GNAZ: variants seen among roughly 807,000 people sequenced by gnomAD.
GNAZ encodes G protein subunit alpha z, also known as guanine nucleotide-binding protein G(z) subunit alpha.
A neutral mutation model predicts 25.4 loss-of-function variants in GNAZ; 3 were observed. The ratio of observed to expected loss-of-function variants is 0.12; its 90% CI spans 0.05 to 0.30. The LOEUF (loss-of-function observed/expected upper bound fraction) is 0.30, where lower values mean the gene tolerates loss of function less well. Ranked by LOEUF, GNAZ falls within the 10% of genes least tolerant of loss-of-function variation. The pLI is 1.00. For synonymous variants in GNAZ, 211 were observed against 205.7 expected (o/e 1.03, Z -0.22); for missense variants, 241 against 501.8 (o/e 0.48, Z 4.97).
intron 1 of GNAZ, among the ~76,000 whole-genome samples, chr22:23,075,007 A>T (rs376051229): frequency 2.4e-3 from 368 of 152,338 alleles, no homozygotes; most frequent in Non-Finnish European, 4.0e-3. Context: ...TCTCTACAAA[A>T]GTAAAACTAA....
In GNAZ at chr22:23,123,758, T is replaced by C; in HGVS notation, c.*327T>C. ...GCCCCTTCACTTTGCCTTCCTGAGT[T>C]GGCCCCACTCCACTTGGGGGTCTGC... On this transcript the variant is annotated 3_prime_UTR_variant, in exon 3 of 3. Coordinates refer to ENST00000615612, the MANE Select transcript of GNAZ (RefSeq NM_002073.4). 1 of 328,784 alleles carries C rather than the reference T, an allele frequency of 3.0e-6. No individual in the cohort carries two copies. The highest frequency in any genetic ancestry group is 4.1e-5 in the South Asian group (1 of 24,558). 20.4% of individuals were successfully genotyped at this position (328,784 alleles called of 1,614,324 possible).
chr22:23,108,455 G>T (rs562376191), intron 2 of GNAZ, among the ~76,000 whole-genome samples: 5 of 152,352 alleles, frequency 3.3e-5, no homozygotes, highest in African/African-American at 1.2e-4. Flanking sequence ...CAAAGGCCTC[G>T]AGGTGACAGA....
chr22:23,102,508 G>T (rs2069332689), intron 2 of GNAZ, among the ~76,000 whole-genome samples: 2 of 152,248 alleles, frequency 1.3e-5, no homozygotes, highest in South Asian at 4.1e-4. Flanking sequence ...CCCGCCTTGT[G>T]CAGTGGCTCC....
intron 2 of GNAZ, among the ~76,000 whole-genome samples, chr22:23,121,744 C>G (rs991013253): frequency 7.5e-6 from 1 of 134,010 alleles, no homozygotes; most frequent in Non-Finnish European, 1.6e-5. Flanking sequence ...TTTTTTGAGA[C>G]AGAGTCTCGC....
chr22:23,103,295 C>T (rs528887555), intron 2 of GNAZ, among the ~76,000 whole-genome samples: 5 of 152,352 alleles, frequency 3.3e-5, no homozygotes, highest in East Asian at 3.9e-4. Context: ...CCCCAGCCCC[C>T]GCCTCCATGC....
intron 1 of GNAZ, among the ~76,000 whole-genome samples, chr22:23,090,989 G>T (rs760928233): frequency 6.6e-6 from 1 of 152,158 alleles, no homozygotes; most frequent in Non-Finnish European, 1.5e-5. Flanking sequence ...TTCTGCCCCA[G>T]TCGCCTCAGC....
chr22:23,110,130 C>T (rs2069604668), intron 2 of GNAZ, among the ~76,000 whole-genome samples: 1 of 152,184 alleles, frequency 6.6e-6, no homozygotes, highest in South Asian at 2.1e-4. Context: ...GGGAGGATGA[C>T]CAGGCCTGAG....
chr22:23,115,800 A>G (rs1436201443), intron 2 of GNAZ, among the ~76,000 whole-genome samples: 2 of 152,236 alleles, frequency 1.3e-5, no homozygotes, highest in Non-Finnish European at 2.9e-5. Flanking sequence ...TATTTGAAGC[A>G]CAGTACATGA....
In GNAZ at chr22:23,071,379, A is replaced by G. The variant is rs2068369374; in HGVS notation, c.-450+809A>G. On this transcript the variant is annotated intron_variant, in intron 1 of 2. Transcript: ENST00000615612. This position sits in a 1 kb window ranked among gnomAD's most constrained non-coding sequence, Gnocchi z 4.1. ...TCCTGTTAACTGAGACAAGAGGATG[A>G]TGCCAAGCGAGACCAGCGTTCCGCG... 6.6e-6 allele frequency among the ~76,000 whole-genome samples: 1 copy of G among 152,152 alleles called. No individual in the cohort carries two copies. Among genetic ancestry groups the G allele is most frequent in the Admixed American group, 6.5e-5 (1 of 15,286 alleles).
In GNAZ at chr22:23,124,528, C is replaced by T. The variant is rs971637643; in HGVS notation, c.*1097C>T. 8 of 307,366 alleles carry T rather than the reference C, an allele frequency of 2.6e-5. No homozygotes were observed. Among genetic ancestry groups the T allele is most frequent in the Middle Eastern group, 4.5e-4 (1 of 2,212 alleles). 19.0% of individuals were successfully genotyped at this position (307,366 alleles called of 1,614,324 possible). The stretch of plus-strand genomic sequence containing the variant: ...TTGTTTTTATTTAAGAAAATAAACA[C>T]GACATATTTAAAGAAGGTTCTTTCA... On this transcript the variant is annotated 3_prime_UTR_variant, in exon 3 of 3. Coordinates refer to ENST00000615612, the MANE Select transcript of GNAZ (RefSeq NM_002073.4).
intron 1 of GNAZ, among the ~76,000 whole-genome samples, chr22:23,087,429 G>C (rs2068850027): frequency 1.3e-5 from 2 of 152,194 alleles, no homozygotes; most frequent in South Asian, 4.1e-4. Context: ...GTGCACTGCA[G>C]CTGGGTGACA....
intron 2 of GNAZ, among the ~76,000 whole-genome samples, chr22:23,120,453 A>G (rs2069982711): frequency 6.6e-6 from 1 of 152,178 alleles, no homozygotes; most frequent in Non-Finnish European, 1.5e-5. Context: ...AGTCTGGTTT[A>G]GATCTGAGGC....
intron 1 of GNAZ, among the ~76,000 whole-genome samples, chr22:23,087,479 C>T (rs967484171): frequency 2.0e-5 from 3 of 152,258 alleles, no homozygotes; most frequent in Middle Eastern, 3.4e-3. Flanking sequence ...AGCTTATAAC[C>T]GCCCAAGGGG....
chr22:23,114,477 G>A (rs568024225), intron 2 of GNAZ, among the ~76,000 whole-genome samples: 1 of 152,068 alleles, frequency 6.6e-6, no homozygotes, highest in East Asian at 1.9e-4. Flanking sequence ...CTTCCCCTCA[G>A]CCCCCAGAGG....
intron 2 of GNAZ, among the ~76,000 whole-genome samples, chr22:23,106,666 T>G (rs2069487952): frequency 6.6e-6 from 1 of 152,194 alleles, no homozygotes; most frequent in Admixed American, 6.5e-5. Flanking sequence ...GACAACAGAA[T>G]AGTGGAAATG....
At chr22:23,113,101 C>A (rs143771822) in intron 2 of GNAZ, among the ~76,000 whole-genome samples, 1 of 152,112 alleles carries the variant, frequency 6.6e-6, no homozygotes, top group African/African-American at 2.4e-5. Flanking sequence ...CTGCGGCTGA[C>A]CCTGGCCAGG....
intron 2 of GNAZ, among the ~76,000 whole-genome samples, chr22:23,100,916 C>T (rs1246679755): frequency 6.6e-6 from 1 of 152,202 alleles, no homozygotes; most frequent in East Asian, 1.9e-4. Flanking sequence ...TCCTGCCACC[C>T]TAGCGCTGTG....
chr22:23,111,911 G>A lies in GNAZ; in HGVS notation c.724-11176G>A, dbSNP rs556078815. On this transcript the variant is annotated intron_variant, in intron 2 of 2. Coordinates refer to ENST00000615612, the MANE Select transcript of GNAZ (RefSeq NM_002073.4). Reference sequence around the variant, plus strand: ...CCTTATTTCCAAACCAGAGGTGTCTGATCACAGAGTGTGTCACTAGGAGCA... The same window carrying A: ...CCTTATTTCCAAACCAGAGGTGTCTAATCACAGAGTGTGTCACTAGGAGCA... 2.3e-3 allele frequency among the ~76,000 whole-genome samples: 343 copies of A among 152,220 alleles called. 1 individual carries two copies. Among genetic ancestry groups the A allele is most frequent in the Non-Finnish European group, 4.5e-3 (305 of 68,036 alleles).
chr22:23,086,081 G>A (rs572692599), intron 1 of GNAZ, among the ~76,000 whole-genome samples: 6 of 152,358 alleles, frequency 3.9e-5, no homozygotes, highest in Admixed American at 2.6e-4. Context: ...TTCTGTCTAC[G>A]GCGGGTGACC....
Sources: gnomAD v4.1 joint callset for allele counts (sites outside exome capture counted in the v4.1 genomes callset) on GRCh38, gnomAD v4.1.1 for gene constraint, Gnocchi (gnomAD v3.1) non-coding constraint, MANE v1.5 for transcripts, NCBI Gene and HGNC (gene_info 2026-07-23, HGNC 2026-07-21) for gene names.